The following PEBP4 variants were observed in gnomAD, a reference collection of about 807,000 sequenced individuals.
The protein encoded by PEBP4 is phosphatidylethanolamine-binding protein 4.
Under a neutral mutation model 23.9 loss-of-function variants are expected in PEBP4, and 22 were observed. The observed-to-expected ratio is 0.92, with a 90% CI of 0.66 to 1.31. The LOEUF (loss-of-function observed/expected upper bound fraction) is 1.31. PEBP4 is among the 40% of genes most tolerant of loss of function. The probability of loss-of-function intolerance (pLI) is 0.00; values close to 1 mark genes in which losing one functional copy is unlikely to be tolerated. For synonymous variants in PEBP4, 112 were observed against 99.3 expected, an observed-to-expected ratio of 1.13 and a Z score of -0.76; for missense variants, 324 against 281.7, an observed-to-expected ratio of 1.15 and a Z score of -1.07.
intron 4 of PEBP4, among the ~76,000 whole-genome samples, chr8:22,766,058 C>T (rs1017180168): frequency 3.3e-5 from 5 of 152,280 alleles, no homozygotes; most frequent in African/African-American, 1.2e-4. Flanking sequence ...CCAGTAGACA[C>T]AGGCAGCCAG....
chr8:22,926,592 C>T (rs1809339871), intron 2 of PEBP4, among the ~76,000 whole-genome samples: 1 of 152,146 alleles, frequency 6.6e-6, no homozygotes, highest in African/African-American at 2.4e-5. Flanking sequence ...AGTGATCCTC[C>T]ACCTTGGCCT....
At chr8:22,875,415 C>T (rs1419513402) in intron 3 of PEBP4, among the ~76,000 whole-genome samples, 1 of 152,106 alleles carries the variant, frequency 6.6e-6, no homozygotes, top group Non-Finnish European at 1.5e-5. Context: ...CGGATTACTT[C>T]ATCACCCAGG....
At position 22,802,348 on chromosome 8, in the gene PEBP4, C is replaced by T. The variant is rs75603204; in HGVS notation, c.357+15289G>A. Among the ~76,000 whole-genome samples the T allele has an allele frequency of 3.6e-4, 55 of 152,352 alleles. 1 individual carries two copies. The East Asian group carries it at 0.01, about 28-fold the overall frequency. On this transcript the variant is annotated intron_variant, in intron 4 of 6. Transcript: ENST00000256404. ...CCCCCGTGCCAAGCCTGTCTCTCAC[C>T]CGGCACTCCTGGATTCCTGTAGCTG...
intron 3 of PEBP4, among the ~76,000 whole-genome samples, chr8:22,838,296 A>G (rs1391777669): frequency 6.6e-6 from 1 of 152,060 alleles, no homozygotes; most frequent in Non-Finnish European, 1.5e-5. Flanking sequence ...CTTAAGACAT[A>G]TTTGTTGAAA....
chr8:22,844,189 C>T (rs1435340095), intron 3 of PEBP4, among the ~76,000 whole-genome samples: 2 of 152,180 alleles, frequency 1.3e-5, no homozygotes, highest in South Asian at 4.1e-4. Context: ...TAGGACGAGA[C>T]TGTACTAAAG....
At chr8:22,799,798 G>A (rs1223057834) in intron 4 of PEBP4, among the ~76,000 whole-genome samples, 2 of 152,010 alleles carry the variant, frequency 1.3e-5, no homozygotes, top group South Asian at 2.1e-4. Flanking sequence ...GTGAGAACAC[G>A]CGGTGTAAGG....
chr8:22,930,123 A>G (rs937351228), upstream of PEBP4, among the ~76,000 whole-genome samples: 3 of 152,110 alleles, frequency 2.0e-5, no homozygotes, highest in Non-Finnish European at 4.4e-5. Flanking sequence ...CTTCACGTGG[A>G]CCACAATACC....
At chr8:22,743,702 C>T (rs1003506897) in intron 4 of PEBP4, among the ~76,000 whole-genome samples, 1 of 152,192 alleles carries the variant, frequency 6.6e-6, no homozygotes, top group Non-Finnish European at 1.5e-5. Flanking sequence ...TGCATCCACC[C>T]TGATTCTTAA....
At chr8:22,738,701 T>C (rs927946521) in intron 4 of PEBP4, among the ~76,000 whole-genome samples, 3 of 152,122 alleles carry the variant, frequency 2.0e-5, no homozygotes, top group Admixed American at 1.3e-4. Flanking sequence ...CTCTCACATA[T>C]ACATACGTTC....
intron 3 of PEBP4, among the ~76,000 whole-genome samples, chr8:22,879,558 T>C (rs1179087871): frequency 6.6e-6 from 1 of 152,130 alleles, no homozygotes; most frequent in African/African-American, 2.4e-5. Flanking sequence ...GAGGTCCAGA[T>C]AGGATAGATC....
At position 22,800,504 on chromosome 8, in the gene PEBP4, G is replaced by A. The variant is rs147536763; in HGVS notation, c.357+17133C>T. On this transcript the variant is annotated intron_variant, in intron 4 of 6. Transcript: ENST00000256404. The stretch of plus-strand genomic sequence containing the variant: ...TCAGCCCTGTCCCCGCTTCAGGCAC[G>A]TGTTGTGACTCTTTACTCTTCATGG... 7.7e-3 allele frequency among the ~76,000 whole-genome samples: 1,168 copies of A among 152,124 alleles called. 4 individuals are homozygous for A. Among genetic ancestry groups the A allele is most frequent in the Non-Finnish European group, 0.013 (865 of 67,974 alleles).
At chr8:22,935,439 T>C (rs373644462) in intron 1 of PEBP4, among the ~76,000 whole-genome samples, 12 of 152,170 alleles carry the variant, frequency 7.9e-5, no homozygotes, top group African/African-American at 2.2e-4. Flanking sequence ...GGCAGGAGAA[T>C]TGCTTGAACC....
rs139118847 is a variant in PEBP4, at chr8:22,794,431, G to A, written c.357+23206C>T. Among the ~76,000 whole-genome samples, 339 of 152,176 alleles carry A rather than the reference G, an allele frequency of 2.2e-3. 1 individual carries two copies. Among genetic ancestry groups the A allele is most frequent in the African/African-American group, 7.7e-3 (318 of 41,510 alleles). On this transcript the variant is annotated intron_variant, in intron 4 of 6. Coordinates refer to ENST00000256404, the MANE Select transcript of PEBP4 (RefSeq NM_144962.3). Reference sequence around the variant, plus strand: ...TTCCCCAGTAGCTGGGACTATAGGCGGAGGCCCCTATGCCAGCTAATTTTT... The same window carrying A: ...TTCCCCAGTAGCTGGGACTATAGGCAGAGGCCCCTATGCCAGCTAATTTTT...
At position 22,740,714 on chromosome 8, in the gene PEBP4, CT is replaced by C. The variant is rs1465462176; in HGVS notation, c.358-13495del. On this transcript the variant is annotated intron_variant, in intron 4 of 6. Transcript: ENST00000256404. ...CCTCCCCTGGGGCTCACCCTTCCCC[CT>C]GTGGCCCCAGCTCTCAAGTCAGACC... is the stretch of plus-strand genomic sequence containing the variant. Among the ~76,000 whole-genome samples, 4 of 152,212 alleles carry C rather than the reference CT, an allele frequency of 2.6e-5. No individual in the cohort carries two copies. The East Asian group carries it at 7.7e-4, about 29-fold the overall frequency.
chr8:22,941,022 C>T (rs1334703317), intron 1 of PEBP4, among the ~76,000 whole-genome samples: 2 of 151,924 alleles, frequency 1.3e-5, no homozygotes, highest in East Asian at 1.9e-4. Context: ...CAGTTTGGGC[C>T]CTTAAGGTAA....
At chr8:22,730,994 TC>T (rs1240455794) in intron 4 of PEBP4, among the ~76,000 whole-genome samples, 1 of 152,120 alleles carries the variant, frequency 6.6e-6, no homozygotes, top group Non-Finnish European at 1.5e-5. Context: ...CAGCCCAGAC[TC>T]CAGATGTGCT....
chr8:22,740,863 T>C (rs954983622), intron 4 of PEBP4, among the ~76,000 whole-genome samples: 3 of 152,102 alleles, frequency 2.0e-5, no homozygotes, highest in African/African-American at 7.2e-5. Flanking sequence ...AGTTAGTGAC[T>C]CTGGGTGTGC....
chr8:22,742,100 G>A (rs964839510), intron 4 of PEBP4, among the ~76,000 whole-genome samples: 1 of 152,176 alleles, frequency 6.6e-6, no homozygotes, highest in African/African-American at 2.4e-5. Flanking sequence ...CTTCCTCTGA[G>A]GAGTCTGGGA....
At chr8:22,843,821 T>C (rs1807373591) in intron 3 of PEBP4, among the ~76,000 whole-genome samples, 1 of 152,148 alleles carries the variant, frequency 6.6e-6, no homozygotes, top group Non-Finnish European at 1.5e-5. Context: ...GTGAAGACGA[T>C]GAAAGAGGGA....
Sources: gnomAD v4.1 joint callset for allele counts (sites outside exome capture counted in the v4.1 genomes callset) on GRCh38, gnomAD v4.1.1 for gene constraint, MANE v1.5 for transcripts, NCBI Gene and HGNC (gene_info 2026-07-23, HGNC 2026-07-21) for gene names.